Variants in PCDHA2 observed in about 807,000 individuals in gnomAD.
PCDHA2 encodes protocadherin alpha 2.
PCDHA2 carries 58 observed loss-of-function variants against 66.0 expected under a neutral mutation model. That is an observed-to-expected ratio of 0.88 (90% CI 0.71 to 1.09). PCDHA2 has a LOEUF of 1.09. Among genes scored for constraint, PCDHA2 ranks in the 50% least tolerant of loss-of-function variants. PCDHA2 has a pLI of 0.00. For synonymous variants in PCDHA2, 634 were observed against 554.0 expected, an observed-to-expected ratio of 1.14 and a Z score of -2.03; for missense variants, 1,267 against 1,242.3, an observed-to-expected ratio of 1.02 and a Z score of -0.30.
intron 3 of PCDHA2, among the ~76,000 whole-genome samples, chr5:141,007,166 A>C (rs548434277): frequency 3.3e-5 from 5 of 152,294 alleles, no homozygotes; most frequent in Admixed American, 6.5e-5. Context: ...GAACAGTCAG[A>C]GAGAAAGGTC....
At chr5:140,968,722 T>C (rs1379540261) in intron 1 of PCDHA2, 2 of 1,613,846 alleles carry the variant, frequency 1.2e-6, no homozygotes, top group Admixed American at 1.7e-5. Context: ...GAGATGAGAG[T>C]GGTAGCACTT....
At chr5:140,952,301 T>C (rs246036) in intron 1 of PCDHA2, among the ~76,000 whole-genome samples, 3 of 149,380 alleles carry the variant, frequency 2.0e-5, no homozygotes. Flanking sequence ...CACAGCCATT[T>C]CACTCCAGCC....
chr5:140,871,468 G>A lies in PCDHA2; in HGVS notation c.2388+74116G>A, dbSNP rs781821721. 4 of 1,602,054 alleles carry A rather than the reference G, an allele frequency of 2.5e-6. No individual in the cohort carries two copies. In the Admixed American group the frequency reaches 5.2e-5, roughly 21 times the overall value. On this transcript the variant is annotated intron_variant, in intron 1 of 3. Transcript: ENST00000526136. Reference sequence around the variant, plus strand: ...TAAAGAGGAGGAAGGGGAAAGACAGGAGCCAGGGTCAAATCACCCCGGACA... The same window carrying A: ...TAAAGAGGAGGAAGGGGAAAGACAGAAGCCAGGGTCAAATCACCCCGGACA...
intron 1 of PCDHA2, chr5:140,808,292 A>C (rs1764139529): frequency 6.2e-7 from 1 of 1,614,270 alleles, no homozygotes; most frequent in South Asian, 1.1e-5. Flanking sequence ...GGGTACAGTC[A>C]TCGCCCTGAT....
chr5:140,887,787 C>T (rs782343895), intron 1 of PCDHA2, among the ~76,000 whole-genome samples: 8 of 152,080 alleles, frequency 5.3e-5, no homozygotes, highest in African/African-American at 9.7e-5. Flanking sequence ...GTCATTGAAG[C>T]GTTCTTTATT....
intron 1 of PCDHA2, chr5:140,868,008 G>C (rs953372223): frequency 2.2e-4 from 34 of 152,046 alleles, no homozygotes; most frequent in African/African-American, 7.7e-4. Context: ...AACTGAATTA[G>C]ATTAAGGAAA....
intron 1 of PCDHA2, chr5:140,865,929 A>G (rs2049057617): frequency 6.6e-6 from 1 of 152,198 alleles, no homozygotes; most frequent in South Asian, 2.1e-4. Flanking sequence ...TGCTTAGAAG[A>G]AACTTCATGA....
intron 1 of PCDHA2, chr5:140,810,142 T>C (rs1407817610): frequency 6.6e-6 from 1 of 152,414 alleles, no homozygotes; most frequent in Admixed American, 6.5e-5. Context: ...TCACTCATTG[T>C]TTATGAAATT....
chr5:140,894,941 C>T (rs2064738715), intron 1 of PCDHA2, among the ~76,000 whole-genome samples: 1 of 152,272 alleles, frequency 6.6e-6, no homozygotes, highest in East Asian at 1.9e-4. Context: ...CAGCTATTGT[C>T]ATGAAATGAT....
rs368564838 is a variant in PCDHA2 at position 140,797,139 on chromosome 5, G to A, written c.2175G>A (p.Val725=). Residue 725 remains valine, a synonymous_variant, in exon 1 of 4, where the codon GTG becomes GTA. Coordinates refer to ENST00000526136, the MANE Select transcript of PCDHA2 (RefSeq NM_018905.3). ...TGTACACTGCGCTGCGGTGCTCGGT[G>A]CCACCCACCGAGGGTGCGCGCGCGC... is the stretch of plus-strand genomic sequence containing the variant. The part of the protein sequence containing the change: ...VLLYTALRCS[V]PPTEGARAPG... 5.1e-4 allele frequency: 831 copies of A among 1,614,008 alleles called. 7 individuals carry two copies. In the South Asian group the frequency reaches 8.6e-3, roughly 17 times the overall value.
chr5:140,926,424 G>A (rs894649962), intron 1 of PCDHA2: 2 of 153,468 alleles, frequency 1.3e-5, no homozygotes, highest in African/African-American at 4.8e-5. Context: ...AGAGGATGTG[G>A]AGGTTAAGAT....
chr5:140,967,130 G>A (rs1554229204), intron 1 of PCDHA2: 1 of 1,612,184 alleles, frequency 6.2e-7, no homozygotes, highest in East Asian at 2.2e-5. Flanking sequence ...GCTCAGCTTG[G>A]AAGTGCTGGC....
chr5:140,804,811 A>G (rs549374549), intron 1 of PCDHA2: 211 of 318,752 alleles, frequency 6.6e-4, no homozygotes, highest in Non-Finnish European at 1.0e-3. Context: ...ATAGTAACCA[A>G]CTGAAACCTG....
chr5:140,836,910 T>G (rs1390319466), intron 1 of PCDHA2: 1 of 576,424 alleles, frequency 1.7e-6, no homozygotes, highest in African/African-American at 1.9e-5. Context: ...TAATATACAC[T>G]TTTGTTTTGG....
chr5:140,823,400 C>G, intron 1 of PCDHA2: 2 of 1,613,078 alleles, frequency 1.2e-6, no homozygotes, highest in African/African-American at 2.7e-5. Context: ...GCGGGCGTGC[C>G]GCCTCTGGGC....
intron 3 of PCDHA2, among the ~76,000 whole-genome samples, chr5:140,991,432 C>T (rs2153896288): frequency 6.6e-6 from 1 of 152,310 alleles, no homozygotes; most frequent in Non-Finnish European, 1.5e-5. Flanking sequence ...TAACCATAAA[C>T]TTCATGGCTT....
At chr5:140,986,668 A>C (rs927109652) in intron 3 of PCDHA2, among the ~76,000 whole-genome samples, 15 of 152,192 alleles carry the variant, frequency 9.9e-5, no homozygotes, top group African/African-American at 3.6e-4. Context: ...CACAGTTTTC[A>C]GAAGAGTTCA....
At chr5:140,831,200 C>T (rs1157028423) in intron 1 of PCDHA2, 2 of 152,180 alleles carry the variant, frequency 1.3e-5, no homozygotes, top group African/African-American at 4.8e-5. Context: ...ACCTTGTGAT[C>T]AAGTAAATTT....
chr5:140,926,209 T>A (rs553307318), intron 1 of PCDHA2, among the ~76,000 whole-genome samples: 1 of 152,028 alleles, frequency 6.6e-6, no homozygotes, highest in African/African-American at 2.4e-5. Context: ...GGGGGGCTCC[T>A]GTTTCCTTAA....
Sources: gnomAD v4.1 joint callset for allele counts (sites outside exome capture counted in the v4.1 genomes callset) on GRCh38, gnomAD v4.1.1 for gene constraint, MANE v1.5 for transcripts, NCBI Gene and HGNC (gene_info 2026-07-23, HGNC 2026-07-21) for gene names.